Variants in DPP10 observed in about 807,000 individuals in gnomAD.
DPP10 encodes dipeptidyl peptidase like 10.
In DPP10, 33 loss-of-function variants were observed where a neutral mutation model predicts 120.9. That is an observed-to-expected ratio of 0.27 (90% CI 0.21 to 0.37). The LOEUF (loss-of-function observed/expected upper bound fraction) is 0.37, where lower values mean the gene tolerates loss of function less well. Among genes scored for constraint, DPP10 ranks in the 10% least tolerant of loss-of-function variants. The pLI, the probability that DPP10 is intolerant of heterozygous loss-of-function variation, is 1.00. For missense variants in DPP10, 816 were observed against 942.8 expected, an observed-to-expected ratio of 0.87 and a Z score of 1.76; for synonymous variants, 337 against 326.1, an observed-to-expected ratio of 1.03 and a Z score of -0.36.
chr2:115,436,141 CTA>C lies in DPP10; in HGVS notation c.272-63367_272-63366del, dbSNP rs995789027. On this transcript the variant is annotated intron_variant, in intron 3 of 25. Coordinates refer to ENST00000410059, the MANE Select transcript of DPP10 (RefSeq NM_020868.6). ...GTTTTTCAGAGATATCAATAAAAGTCTATTGCAATGCAAAATAATGTATTGGG... is the reference window on the plus strand; with the variant it reads ...GTTTTTCAGAGATATCAATAAAAGTCTTGCAATGCAAAATAATGTATTGGG... Among the ~76,000 whole-genome samples, 18 of 151,918 alleles carry C rather than the reference CTA, an allele frequency of 1.2e-4. 1 individual carries two copies. Among genetic ancestry groups the C allele is most frequent in the Admixed American group, 1.2e-3 (18 of 15,234 alleles).
At chr2:114,776,032 A>G (rs1249029128) in intron 1 of DPP10, among the ~76,000 whole-genome samples, 1 of 152,184 alleles carries the variant, frequency 6.6e-6, no homozygotes, top group Non-Finnish European at 1.5e-5. Flanking sequence ...GTTAATATGG[A>G]AGAAGTCAAG....
chr2:114,805,567 A>G (rs190475080), intron 1 of DPP10, among the ~76,000 whole-genome samples: 25 of 152,340 alleles, frequency 1.6e-4, no homozygotes, highest in Middle Eastern at 3.4e-3. Context: ...CTTCTCTCAT[A>G]TATCAACTAG....
At chr2:115,130,274 C>T (rs1250497459) in intron 1 of DPP10, among the ~76,000 whole-genome samples, 2 of 152,120 alleles carry the variant, frequency 1.3e-5, no homozygotes, top group Non-Finnish European at 1.5e-5. Flanking sequence ...AATTGTTGAA[C>T]ATATTGAGCA....
intron 15 of DPP10, among the ~76,000 whole-genome samples, chr2:115,780,292 G>A (rs17699700): frequency 0.43 from 65,982 of 151,694 alleles, 17,053 homozygotes; most frequent in East Asian, 0.67. Context: ...ATGTCAAAGT[G>A]TGTATTGTTG....
intron 1 of DPP10, among the ~76,000 whole-genome samples, chr2:114,848,463 C>T (rs1688706755): frequency 6.6e-6 from 1 of 152,120 alleles, no homozygotes; most frequent in Non-Finnish European, 1.5e-5. Flanking sequence ...AAATTACATT[C>T]CCCTCGAGGA....
intron 1 of DPP10, among the ~76,000 whole-genome samples, chr2:114,538,386 C>T (rs1172264768): frequency 6.6e-6 from 1 of 152,072 alleles, no homozygotes; most frequent in African/African-American, 2.4e-5. Flanking sequence ...TAGTGCAAAC[C>T]CCTCACTCAG....
intron 1 of DPP10, among the ~76,000 whole-genome samples, chr2:114,701,345 T>G (rs191121700): frequency 2.6e-5 from 4 of 152,196 alleles, no homozygotes; most frequent in Non-Finnish European, 4.4e-5. Context: ...GCAGAGAGTA[T>G]GTACATCATC....
intron 1 of DPP10, among the ~76,000 whole-genome samples, chr2:115,203,869 G>T (rs1056520395): frequency 6.6e-6 from 1 of 152,046 alleles, no homozygotes; most frequent in Non-Finnish European, 1.5e-5. Flanking sequence ...TCCATGGAGA[G>T]GTTTCCCTAA....
chr2:115,733,412 A>T (rs2092957088), intron 8 of DPP10, among the ~76,000 whole-genome samples: 1 of 152,166 alleles, frequency 6.6e-6, no homozygotes, highest in African/African-American at 2.4e-5. Context: ...CAAGGGAAGG[A>T]TTCCAAAGCT....
chr2:115,462,377 GC>G (rs1271516177), intron 3 of DPP10, among the ~76,000 whole-genome samples: 1 of 152,086 alleles, frequency 6.6e-6, no homozygotes, highest in African/African-American at 2.4e-5. Flanking sequence ...TAATACTTCT[GC>G]AGCAGCAAGG....
At chr2:114,765,157 T>A (rs973754445) in intron 1 of DPP10, among the ~76,000 whole-genome samples, 1 of 152,224 alleles carries the variant, frequency 6.6e-6, no homozygotes, top group Non-Finnish European at 1.5e-5. Context: ...CAGAAGTAGC[T>A]ACCTTTTGAC....
chr2:114,622,796 T>C lies in DPP10; in HGVS notation c.60+179958T>C, dbSNP rs149250443. Among the ~76,000 whole-genome samples the C allele has an allele frequency of 2.5e-4, 38 of 152,222 alleles. No homozygotes were observed. In the East Asian group the frequency reaches 4.1e-3, roughly 16 times the overall value. On this transcript the variant is annotated intron_variant, in intron 1 of 25. Transcript: ENST00000410059. ...AATGAGAGGGTATTTGAGAAAGACA[T>C]CATCAGAGAAAAAGCAAATGTCAAG... is the stretch of plus-strand genomic sequence containing the variant.
chr2:115,724,581 C>A (rs115387939), intron 7 of DPP10, among the ~76,000 whole-genome samples: 3 of 151,776 alleles, frequency 2.0e-5, no homozygotes, highest in African/African-American at 7.3e-5. Flanking sequence ...TAGAGTAAGA[C>A]CATTGATTTT....
intron 1 of DPP10, among the ~76,000 whole-genome samples, chr2:114,793,134 T>C (rs1558746892): frequency 1.3e-5 from 2 of 152,194 alleles, no homozygotes; most frequent in South Asian, 2.1e-4. Flanking sequence ...ATTCCCTTAA[T>C]TTTTTTATGT....
intron 5 of DPP10, among the ~76,000 whole-genome samples, chr2:115,640,922 GT>G (rs772075927): frequency 2.5e-4 from 38 of 152,088 alleles, no homozygotes; most frequent in Non-Finnish European, 3.1e-4. Context: ...GTTTTTTTCT[GT>G]TAGCTATCTG....
intron 5 of DPP10, among the ~76,000 whole-genome samples, chr2:115,607,076 C>T (rs1575319688): frequency 1.3e-5 from 2 of 152,046 alleles, no homozygotes; most frequent in Admixed American, 6.6e-5. Context: ...TACTCACAGA[C>T]AATTAAAAAC....
intron 1 of DPP10, among the ~76,000 whole-genome samples, chr2:114,581,813 C>A (rs941943177): frequency 2.0e-5 from 3 of 152,104 alleles, no homozygotes; most frequent in African/African-American, 7.2e-5. Context: ...GTTTTTAGAG[C>A]AGTTTTAGGT....
At chr2:115,631,976 C>A (rs1246698884) in intron 5 of DPP10, among the ~76,000 whole-genome samples, 1 of 152,102 alleles carries the variant, frequency 6.6e-6, no homozygotes, top group Non-Finnish European at 1.5e-5. Context: ...TGTTAATTTT[C>A]AATTGTGATG....
At chr2:114,627,274 A>G (rs1326001611) in intron 1 of DPP10, among the ~76,000 whole-genome samples, 1 of 152,126 alleles carries the variant, frequency 6.6e-6, no homozygotes, top group Non-Finnish European at 1.5e-5. Context: ...TATCCAAAAC[A>G]TTTGACCTGA....
Sources: gnomAD v4.1 joint callset for allele counts (sites outside exome capture counted in the v4.1 genomes callset) on GRCh38, gnomAD v4.1.1 for gene constraint, MANE v1.5 for transcripts, NCBI Gene and HGNC (gene_info 2026-07-23, HGNC 2026-07-21) for gene names.